Variants in MSR1 observed in about 807,000 individuals in gnomAD.
The protein encoded by MSR1 is macrophage scavenger receptor types I and II.
MSR1 carries 53 observed loss-of-function variants against 47.2 expected under a neutral mutation model. The observed-to-expected ratio is 1.12, with a 90% CI of 0.90 to 1.41. The LOEUF is 1.41. Among genes scored for constraint, MSR1 ranks in the 40% most tolerant of loss-of-function variants. The pLI is 0.00. For synonymous variants in MSR1, 239 were observed against 185.6 expected, an observed-to-expected ratio of 1.29 and a Z score of -2.34; for missense variants, 786 against 546.9, an observed-to-expected ratio of 1.44 and a Z score of -4.36.
At chr8:16,189,279 A>C (rs1488365738) in intron 1 of MSR1, among the ~76,000 whole-genome samples, 2 of 136,888 alleles carry the variant, frequency 1.5e-5, no homozygotes, top group African/African-American at 5.2e-5. Flanking sequence ...TATTTCAAAT[A>C]TATAAAATCT....
intron 8 of MSR1, among the ~76,000 whole-genome samples, chr8:16,134,254 A>G (rs770509773): frequency 7.2e-5 from 11 of 152,096 alleles, no homozygotes; most frequent in African/African-American, 2.7e-4. Context: ...TAGATACCTT[A>G]TTGTTCTTAG....
chr8:16,184,623 TGA>T (rs1801940608), intron 1 of MSR1, among the ~76,000 whole-genome samples: 1 of 152,166 alleles, frequency 6.6e-6, no homozygotes. Context: ...AATATAACAT[TGA>T]ATTACTATCT....
chr8:16,136,323 G>C (rs535778172), intron 8 of MSR1, among the ~76,000 whole-genome samples: 19 of 152,224 alleles, frequency 1.2e-4, no homozygotes, highest in Admixed American at 1.2e-3. Flanking sequence ...ACGGAGGCAA[G>C]ACCCTCCACC....
chr8:16,180,091 T>C (rs1036790252), intron 1 of MSR1, among the ~76,000 whole-genome samples: 1 of 138,674 alleles, frequency 7.2e-6, no homozygotes, highest in African/African-American at 2.8e-5. Context: ...CCGGTCTCTC[T>C]CTTTCTCTCT....
chr8:16,141,132 T>A, intron 8 of MSR1: 5 of 1,474,872 alleles, frequency 3.4e-6, no homozygotes, highest in Non-Finnish European at 3.8e-6. Flanking sequence ...TATGAAAACA[T>A]TCAATATAAA....
At chr8:16,147,307 C>A (rs1283538182) in intron 7 of MSR1, among the ~76,000 whole-genome samples, 1 of 152,196 alleles carries the variant, frequency 6.6e-6, no homozygotes, top group East Asian at 1.9e-4. Context: ...CTTATTCACC[C>A]TTCATTTCCC....
intron 8 of MSR1, among the ~76,000 whole-genome samples, chr8:16,122,795 C>T (rs1023340769): frequency 1.1e-4 from 16 of 151,324 alleles, no homozygotes; most frequent in Non-Finnish European, 2.1e-4. Flanking sequence ...TGCCAAATTC[C>T]GTATGCTCAA....
intron 8 of MSR1, among the ~76,000 whole-genome samples, chr8:16,133,241 C>T (rs1049802695): frequency 1.3e-5 from 2 of 152,090 alleles, no homozygotes; most frequent in African/African-American, 4.8e-5. Context: ...TTAGTCCATT[C>T]CTAAAGACCT....
At chr8:16,127,977 T>C (rs1800167063) in intron 8 of MSR1, among the ~76,000 whole-genome samples, 1 of 152,200 alleles carries the variant, frequency 6.6e-6, no homozygotes, top group African/African-American at 2.4e-5. Context: ...TTCTGGTAAT[T>C]TTTATTATCT....
intron 9 of MSR1, among the ~76,000 whole-genome samples, chr8:16,113,943 A>T (rs570389228): frequency 6.7e-6 from 1 of 149,596 alleles, no homozygotes; most frequent in African/African-American, 2.5e-5. Flanking sequence ...AATTTGTACA[A>T]CTTTGATGAC....
At chr8:16,147,063 G>T (rs1800719069) in intron 7 of MSR1, among the ~76,000 whole-genome samples, 1 of 152,188 alleles carries the variant, frequency 6.6e-6, no homozygotes, top group South Asian at 2.1e-4. Flanking sequence ...AAAACAGACA[G>T]AAGTACGTTA....
intron 8 of MSR1, chr8:16,140,695 C>T (rs1800532365): frequency 7.5e-7 from 1 of 1,334,734 alleles, no homozygotes; most frequent in African/African-American, 1.5e-5. Context: ...TGGCAGAGAA[C>T]TGAGGACTGG....
At chr8:16,116,733 C>G (rs1053256025) in intron 9 of MSR1, among the ~76,000 whole-genome samples, 1 of 152,092 alleles carries the variant, frequency 6.6e-6, no homozygotes, top group Non-Finnish European at 1.5e-5. Context: ...CTATTTTACT[C>G]ATGAGACTAA....
intron 1 of MSR1, among the ~76,000 whole-genome samples, chr8:16,191,828 A>C (rs544114810): frequency 6.6e-6 from 1 of 152,302 alleles, no homozygotes; most frequent in South Asian, 2.1e-4. Context: ...TGCTGTGTGA[A>C]TCTTACTTAG....
chr8:16,120,127 C>T (rs953677586), intron 9 of MSR1, among the ~76,000 whole-genome samples: 1 of 151,772 alleles, frequency 6.6e-6, no homozygotes, highest in African/African-American at 2.4e-5. Context: ...CCTGTAATCC[C>T]AGCACTTTAG....
At chr8:16,179,267 A>G (rs895296857) in intron 1 of MSR1, among the ~76,000 whole-genome samples, 5 of 152,160 alleles carry the variant, frequency 3.3e-5, no homozygotes, top group African/African-American at 9.7e-5. Flanking sequence ...ACAAAAGTCA[A>G]TTTTCCCAGA....
intron 8 of MSR1, chr8:16,140,706 T>C: frequency 3.0e-6 from 4 of 1,354,360 alleles, no homozygotes; most frequent in Non-Finnish European, 3.8e-6. Flanking sequence ...TGAGGACTGG[T>C]TGGAGCAGCC....
At chr8:16,165,353 T>G (rs1451190216) in intron 4 of MSR1, among the ~76,000 whole-genome samples, 1 of 152,148 alleles carries the variant, frequency 6.6e-6, no homozygotes, top group South Asian at 2.1e-4. Context: ...TTACTTAACT[T>G]GTTTTTCAAA....
Position 16,175,166 on chromosome 8 carries a change from CA to C in MSR1, c.217+20del. ...ATTCACGGGACGAGTTACTAAATTT[CA>C]AAACTCTGGGTTACGTTACCTGCCA... On this transcript the variant is annotated intron_variant, in intron 3 of 9. Transcript: ENST00000262101. 1 of 1,603,170 alleles carries C rather than the reference CA, an allele frequency of 6.2e-7. No individual in the cohort carries two copies. The highest frequency in any genetic ancestry group is 8.5e-7 in the Non-Finnish European group (1 of 1,170,232).
Sources: gnomAD v4.1 joint callset for allele counts (sites outside exome capture counted in the v4.1 genomes callset) on GRCh38, gnomAD v4.1.1 for gene constraint, MANE v1.5 for transcripts, NCBI Gene and HGNC (gene_info 2026-07-23, HGNC 2026-07-21) for gene names.